The following TNKS2 variants were observed in gnomAD, a reference collection of about 807,000 sequenced individuals.
The protein encoded by TNKS2 is poly [ADP-ribose] polymerase tankyrase-2.
A neutral mutation model predicts 137.6 loss-of-function variants in TNKS2; 72 were observed. The ratio of observed to expected loss-of-function variants is 0.52; its 90% confidence interval spans 0.43 to 0.64. The LOEUF (loss-of-function observed/expected upper bound fraction) is 0.64, where lower values mean the gene tolerates loss of function less well. Among genes scored for constraint, TNKS2 ranks in the 30% least tolerant of loss-of-function variants. The probability of loss-of-function intolerance (pLI) is 0.00; values close to 1 mark genes in which losing one functional copy is unlikely to be tolerated. For synonymous variants in TNKS2, 516 were observed against 512.1 expected (o/e 1.01, Z -0.10); for missense variants, 1,049 against 1,410.2 (o/e 0.74, Z 4.10).
At chr10:91,845,171 T>C in intron 17 of TNKS2, 143 bp downstream of exon 17, 1 of 663,636 alleles carries the variant, frequency 1.5e-6, no homozygotes. Flanking sequence ...AACTTCCAAA[T>C]TTCGGTTCTG....
chr10:91,849,402 A>T, intron 19 of TNKS2, 110 bp from the exon 20 acceptor site: 1 of 756,880 alleles, frequency 1.3e-6, no homozygotes, highest in Non-Finnish European at 2.1e-6. Flanking sequence ...AGTGGCTATT[A>T]ATATTATTTT....
At position 91,862,126 on chromosome 10, in the gene TNKS2, G is replaced by T. The variant is rs771998748; in HGVS notation, c.3409G>T (p.Ala1137Ser). The change falls in exon 26 of 27, where the codon GCT (alanine) becomes TCT (serine). Residue 1137 changes from alanine to serine, a missense_variant. By Grantham distance (99) the Ala-to-Ser change is moderately conservative. This residue lies in a region of TNKS2 where 133 missense variants were observed against 248.4 expected (regional missense o/e 0.54). Coordinates refer to ENST00000371627, the MANE Select transcript of TNKS2 (RefSeq NM_025235.4). ...GRPSVNGLAL[A>S]EYVIYRGEQA... ...GCCCAGTGTAAATGGCCTAGCATTA[G>T]CTGAATATGTTATTTACAGAGGAGA... The T allele has an allele frequency of 1.1e-5, 17 of 1,609,364 alleles. 1 individual carries two copies. Among genetic ancestry groups the T allele is most frequent in the Non-Finnish European group, 1.7e-6 (2 of 1,177,910 alleles).
At chr10:91,848,981 C>T (rs2056984815) in intron 19 of TNKS2, among the ~76,000 whole-genome samples, 2 of 152,144 alleles carry the variant, frequency 1.3e-5, no homozygotes, top group African/African-American at 4.8e-5. Context: ...AAATTGCAGG[C>T]ACCCACCACC....
chr10:91,832,799 G>A (rs1841856179), intron 11 of TNKS2, among the ~76,000 whole-genome samples: 1 of 152,044 alleles, frequency 6.6e-6, no homozygotes, highest in Admixed American at 6.6e-5. Context: ...AGTCTTACAG[G>A]TGATTTTTTT....
chr10:91,844,559 T>C (rs1842307969), intron 16 of TNKS2, among the ~76,000 whole-genome samples: 1 of 152,172 alleles, frequency 6.6e-6, no homozygotes, highest in African/African-American at 2.4e-5. Context: ...GTTCAAGAAG[T>C]GGTATGTAAC....
intron 18 of TNKS2, among the ~76,000 whole-genome samples, 158 bp downstream of exon 18, chr10:91,846,098 A>T (rs144746621): frequency 1.3e-5 from 2 of 152,346 alleles, no homozygotes; most frequent in African/African-American, 4.8e-5. Context: ...AATATAATAG[A>T]ATTATAAAGT....
chr10:91,811,001 C>T (rs1589647635), intron 1 of TNKS2, among the ~76,000 whole-genome samples: 1 of 129,228 alleles, frequency 7.7e-6, no homozygotes, highest in East Asian at 2.7e-4. Context: ...GATCTCGGCT[C>T]ACTGCAACCT....
chr10:91,855,172 T>G (rs1198672036), intron 22 of TNKS2, 46 bp downstream of exon 22: 2 of 1,160,774 alleles, frequency 1.7e-6, no homozygotes, highest in Non-Finnish European at 2.6e-6. Context: ...ATATATTTAG[T>G]TCACTTTGTA....
rs1212421515 is a variant in TNKS2, at chr10:91,863,284, G to A, written c.*285G>A. 6 of 268,208 alleles carry A rather than the reference G, an allele frequency of 2.2e-5. No homozygotes were observed. The highest frequency in any genetic ancestry group is 4.4e-5 in the African/African-American group (2 of 45,122). The allele number at this position is 268,208 out of a possible 1,614,324, so 16.6% of individuals were successfully genotyped here. A position where few individuals can be genotyped will look rare whatever the true frequency, so the allele number is the denominator to read the frequency against. On this transcript the variant is annotated 3_prime_UTR_variant, in exon 27 of 27. Coordinates refer to ENST00000371627, the MANE Select transcript of TNKS2 (RefSeq NM_025235.4). ...CAGAGTTAACTTGAACCTTTTATAT[G>A]TTATGCATTGATTCTAACAAACTGT...
At chr10:91,844,818 A>G in intron 16 of TNKS2, 101 bp from the exon 17 acceptor site, 1 of 658,476 alleles carries the variant, frequency 1.5e-6, no homozygotes, top group Non-Finnish European at 2.6e-6. Context: ...ATATATATGT[A>G]TACATGTAAT....
At position 91,828,358 on chromosome 10, in the gene TNKS2, T is replaced by C; in HGVS notation, c.1056T>C (p.Ser352=). The C allele has an allele frequency of 6.2e-7, 1 of 1,609,272 alleles. No individual in the cohort carries two copies. The highest frequency in any genetic ancestry group is 1.3e-5 in the African/African-American group (1 of 74,732). Residue 352 remains serine, a synonymous_variant, in exon 9 of 27, where the codon TCT becomes TCC. Transcript: ENST00000371627. ...TTACTCGAATCAAAAAACATCTCTC[T>C]CTGGAAATGGTGAATTTCAAGCATC... The part of the protein sequence containing the change: ...ADVTRIKKHL[S]LEMVNFKHPQ...
At chr10:91,856,294 C>T (rs918706678) in intron 23 of TNKS2, among the ~76,000 whole-genome samples, 2 of 152,052 alleles carry the variant, frequency 1.3e-5, no homozygotes, top group African/African-American at 2.4e-5. Flanking sequence ...ATAATGAATT[C>T]GTATTAACTA....
intron 1 of TNKS2, among the ~76,000 whole-genome samples, chr10:91,800,738 C>G (rs2133580024): frequency 6.6e-6 from 1 of 152,282 alleles, no homozygotes; most frequent in African/African-American, 2.4e-5. Flanking sequence ...TCAACCAGAG[C>G]TTTTGAAGTC....
At chr10:91,851,181 T>G (rs1842528578) in intron 20 of TNKS2, 35 bp from the exon 21 acceptor site, 2 of 1,608,744 alleles carry the variant, frequency 1.2e-6, no homozygotes, top group African/African-American at 2.7e-5. Context: ...ACCAAATAAG[T>G]AAGCATTCTA....
At chr10:91,827,432 T>C (rs1845103418) in intron 8 of TNKS2, among the ~76,000 whole-genome samples, 1 of 152,256 alleles carries the variant, frequency 6.6e-6, no homozygotes, top group Non-Finnish European at 1.5e-5. Context: ...GCTTTTTATA[T>C]GTGCTGTATT....
intron 8 of TNKS2, 150 bp downstream of exon 8, chr10:91,827,353 G>A (rs1845101196): frequency 4.8e-6 from 3 of 630,918 alleles, no homozygotes; most frequent in Non-Finnish European, 4.7e-6. Context: ...TTAATAATTT[G>A]GAAGTTTCTA....
At chr10:91,813,528 C>G (rs1844575945) in intron 2 of TNKS2, among the ~76,000 whole-genome samples, 2 of 152,126 alleles carry the variant, frequency 1.3e-5, no homozygotes, top group South Asian at 2.1e-4. Flanking sequence ...TTGGCAGGAT[C>G]AAGTCAAGGC....
intron 18 of TNKS2, among the ~76,000 whole-genome samples, chr10:91,847,919 G>A (rs1842426846): frequency 6.6e-6 from 1 of 152,120 alleles, no homozygotes; most frequent in South Asian, 2.1e-4. Flanking sequence ...TTCATGCTTT[G>A]CCATATTTAA....
At chr10:91,806,900 G>GA in intron 1 of TNKS2, among the ~76,000 whole-genome samples, 1 of 152,260 alleles carries the variant, frequency 6.6e-6, no homozygotes, top group Non-Finnish European at 1.5e-5. Flanking sequence ...ATTTGCCAGA[G>GA]AAACAATTAC....
Sources: gnomAD v4.1 joint callset for allele counts (sites outside exome capture counted in the v4.1 genomes callset) on GRCh38, gnomAD v4.1.1 for gene constraint, gnomAD v4.1.1 regional missense constraint, MANE v1.5 for transcripts, NCBI Gene and HGNC (gene_info 2026-07-23, HGNC 2026-07-21) for gene names.